NIBAN3: variants seen among roughly 807,000 people sequenced by gnomAD.
NIBAN3 encodes the protein protein Niban 3.
In NIBAN3, 66 loss-of-function variants were observed where a neutral mutation model predicts 76.4. The observed-to-expected ratio is 0.86, with a 90% confidence interval of 0.71 to 1.06. NIBAN3 has a LOEUF of 1.06. NIBAN3 is among the 50% of genes least tolerant of loss of function. The probability of loss-of-function intolerance (pLI) is 0.00; values close to 1 mark genes in which losing one functional copy is unlikely to be tolerated. For missense variants in NIBAN3, 808 were observed against 810.7 expected (o/e 1.00, Z 0.04); for synonymous variants, 360 against 355.2 (o/e 1.01, Z -0.15).
chr19:17,536,857 C>G (rs1259403642), intron 4 of NIBAN3, among the ~76,000 whole-genome samples: 1 of 152,184 alleles, frequency 6.6e-6, no homozygotes, highest in African/African-American at 2.4e-5. Context: ...CTTGGCCAGG[C>G]TGGGCACAAT....
chr19:17,530,755 G>A lies in NIBAN3; in HGVS notation c.56G>A (p.Gly19Asp). 1 of 1,607,522 alleles carries A rather than the reference G, an allele frequency of 6.2e-7. No individual in the cohort carries two copies. The highest frequency in any genetic ancestry group is 8.5e-7 in the Non-Finnish European group (1 of 1,175,620). The change falls in exon 2 of 15, where the codon GGT (glycine) becomes GAT (aspartate). Residue 19 changes from glycine to aspartate, a missense_variant and splice_region_variant. By Grantham distance (94) the Gly-to-Asp change is moderately conservative. Transcript: ENST00000599164. ...LDKQQRQHLR[G>D]QVDTLLRNFL... ...GTTCACTGTCCCCTTGTCCCTGCAG[G>A]TCAGGTGGACACCCTGCTGAGGAAC...
At chr19:17,526,796 A>C, upstream of NIBAN3, among the ~76,000 whole-genome samples, 1 of 151,888 alleles carries the variant, frequency 6.6e-6, no homozygotes, top group African/African-American at 2.4e-5. Flanking sequence ...ATCCTCTAAG[A>C]CCTTGGCATC....
At chr19:17,524,713 G>A (rs185113863), upstream of NIBAN3, among the ~76,000 whole-genome samples, 1 of 152,360 alleles carries the variant, frequency 6.6e-6, no homozygotes, top group Non-Finnish European at 1.5e-5. Flanking sequence ...ACCATTCAGG[G>A]CTGGTAGAGC....
In NIBAN3 at chr19:17,549,493, C is replaced by T. The variant is rs1406167569; in HGVS notation, c.1716C>T (p.Gly572=). 1.9e-6 allele frequency: 3 copies of T among 1,613,914 alleles called. No homozygotes were observed. The highest frequency in any genetic ancestry group is 1.7e-5 in the Admixed American group (1 of 60,006). ...GANDVSCTLD[G]CLEVPWEQEG... is the part of the protein sequence containing the mutation. ...ATGATGTATCCTGCACTCTGGACGG[C>T]TGCTTGGAGGTCCCATGGGAACAGG... Residue 572 remains glycine, a synonymous_variant, in exon 14 of 15, where the codon GGC becomes GGT. Coordinates refer to ENST00000599164, the MANE Select transcript of NIBAN3 (RefSeq NM_001321827.2).
intron 5 of NIBAN3, among the ~76,000 whole-genome samples, chr19:17,537,804 G>A (rs1355294050): frequency 6.6e-6 from 1 of 152,062 alleles, no homozygotes; most frequent in Non-Finnish European, 1.5e-5. Flanking sequence ...AAATTAGCTG[G>A]GCATGGTGGA....
upstream of NIBAN3, among the ~76,000 whole-genome samples, chr19:17,524,846 C>T (rs138143953): frequency 3.3e-3 from 500 of 152,312 alleles, 12 homozygotes; most frequent in Admixed American, 0.03. Flanking sequence ...GTCCACGTTC[C>T]AGCTCTAGCA....
At chr19:17,541,366 C>T (rs2075949504) in intron 9 of NIBAN3, among the ~76,000 whole-genome samples, 1 of 152,194 alleles carries the variant, frequency 6.6e-6, no homozygotes, top group African/African-American at 2.4e-5. Context: ...CTGGTCCCCT[C>T]TATGTCTTGC....
downstream of NIBAN3, among the ~76,000 whole-genome samples, chr19:17,555,064 C>G (rs989951201): frequency 2.6e-4 from 40 of 151,996 alleles, 1 homozygote; most frequent in Non-Finnish European, 2.9e-5. Context: ...GTGCCCAGAA[C>G]GGTCCATTAT....
In NIBAN3 at chr19:17,543,656, AG is replaced by A; in HGVS notation, c.1554+28del. ...GGTGAGTTAATGGGAAGTGTGCAAGAGGGTCTGACAGCATCACCATGCATCC... is the reference window on the plus strand; with the variant it reads ...GGTGAGTTAATGGGAAGTGTGCAAGAGGTCTGACAGCATCACCATGCATCC... On this transcript the variant is annotated intron_variant, in intron 12 of 14. Transcript: ENST00000599164. The A allele has an allele frequency of 3.8e-6, 6 of 1,575,356 alleles. No homozygotes were observed. In the South Asian group the frequency reaches 6.8e-5, roughly 18 times the overall value.
chr19:17,549,272 C>G (rs1292124574), intron 13 of NIBAN3, among the ~76,000 whole-genome samples, 172 bp from the exon 14 acceptor site: 1 of 152,024 alleles, frequency 6.6e-6, no homozygotes, highest in East Asian at 1.9e-4. Flanking sequence ...GTGAAGGGTG[C>G]AGGGATCGGT....
intron 13 of NIBAN3, among the ~76,000 whole-genome samples, chr19:17,548,350 G>T (rs1302172824): frequency 6.6e-6 from 1 of 152,170 alleles, no homozygotes; most frequent in Non-Finnish European, 1.5e-5. Flanking sequence ...GGGAGCCATG[G>T]AGGGTGTGTG....
intron 4 of NIBAN3, 87 bp from the exon 5 acceptor site, chr19:17,537,289 C>A: frequency 7.6e-7 from 1 of 1,310,116 alleles, no homozygotes; most frequent in African/African-American, 1.5e-5. Context: ...AGCAACTGCC[C>A]ATGCCAGGGA....
chr19:17,534,560 G>A (rs890488365), intron 4 of NIBAN3, among the ~76,000 whole-genome samples: 1 of 152,164 alleles, frequency 6.6e-6, no homozygotes, highest in African/African-American at 2.4e-5. Context: ...GGGAGGCTGA[G>A]GCGGGCAGAT....
At chr19:17,532,101 G>C (rs80147303) in intron 2 of NIBAN3, among the ~76,000 whole-genome samples, 162 bp from the exon 3 acceptor site, 35 of 152,318 alleles carry the variant, frequency 2.3e-4, no homozygotes, top group African/African-American at 8.4e-4. Context: ...GGCTCCAGGA[G>C]CTGTGGACAC....
downstream of NIBAN3, among the ~76,000 whole-genome samples, chr19:17,555,401 G>A (rs1257313181): frequency 3.9e-5 from 6 of 152,218 alleles, no homozygotes; most frequent in Non-Finnish European, 8.8e-5. Context: ...TCTGGCGGAG[G>A]TCTCAGTGGT....
chr19:17,538,193 G>A (rs1186919023), intron 5 of NIBAN3, among the ~76,000 whole-genome samples: 4 of 152,028 alleles, frequency 2.6e-5, no homozygotes, highest in African/African-American at 9.7e-5. Context: ...GAGGCGGGAG[G>A]ATCACGAGGT....
intron 12 of NIBAN3, among the ~76,000 whole-genome samples, chr19:17,544,766 C>A (rs1040116522): frequency 6.6e-6 from 1 of 152,140 alleles, no homozygotes; most frequent in Non-Finnish European, 1.5e-5. Context: ...GACATGGGTA[C>A]AAACAGAATC....
At chr19:17,535,029 G>A (rs925753114) in intron 4 of NIBAN3, among the ~76,000 whole-genome samples, 1 of 152,218 alleles carries the variant, frequency 6.6e-6, no homozygotes, top group Non-Finnish European at 1.5e-5. Flanking sequence ...CTATCTTGCT[G>A]TCAAAGGACA....
chr19:17,535,198 G>A (rs2075804251), intron 4 of NIBAN3, among the ~76,000 whole-genome samples: 1 of 152,176 alleles, frequency 6.6e-6, no homozygotes, highest in Non-Finnish European at 1.5e-5. Context: ...CAGGTACTTG[G>A]GAGGCAGAGA....
Sources: allele counts gnomAD v4.1 joint callset (sites outside exome capture counted in the v4.1 genomes callset), GRCh38; gene constraint gnomAD v4.1.1; transcripts MANE v1.5; gene names NCBI Gene and HGNC (gene_info 2026-07-23, HGNC 2026-07-21).